Variants in RACK1 observed in about 807,000 individuals in gnomAD.
RACK1 encodes the protein receptor for activated C kinase 1.
In RACK1, 3 loss-of-function variants were observed where a neutral mutation model predicts 42.2. The ratio of observed to expected loss-of-function variants is 0.07; its 90% CI spans 0.03 to 0.18. RACK1 has a LOEUF of 0.18. Ranked by LOEUF, RACK1 falls within the 10% of genes least tolerant of loss-of-function variation. RACK1 has a pLI of 1.00. For synonymous variants in RACK1, 181 were observed against 154.8 expected (o/e 1.17, Z -1.25); for missense variants, 146 against 403.2 (o/e 0.36, Z 5.46).
intron 6 of RACK1, 91 bp from the exon 7 acceptor site, chr5:181,237,810 T>G (rs756032248): frequency 2.5e-6 from 2 of 806,442 alleles, no homozygotes; most frequent in East Asian, 5.0e-5. Context: ...TAAAAAGGGA[T>G]GATTTTGCTC....
chr5:181,242,087 C>T, intron 2 of RACK1, 87 bp downstream of exon 2: 1 of 1,195,842 alleles, frequency 8.4e-7, no homozygotes, highest in Non-Finnish European at 1.2e-6. Context: ...TGGACTGGAT[C>T]TCCCCTGGGA....
rs1759163185 is a variant in RACK1, at chr5:181,237,053, G to A, written c.889-11C>T. The A allele has an allele frequency of 6.2e-7, 1 of 1,613,298 alleles. No homozygotes were observed. The highest frequency in any genetic ancestry group is 8.5e-7 in the Non-Finnish European group (1 of 1,179,872). On this transcript the variant is annotated splice_polypyrimidine_tract_variant and intron_variant, in intron 7 of 7. Coordinates refer to ENST00000512805, the MANE Select transcript of RACK1 (RefSeq NM_006098.5). ...GCCAGCAAACAGAGTCTGCAGGGAA[G>A]AAATGACAGTGACAGGTCAGGCTGG...
intron 3 of RACK1, among the ~76,000 whole-genome samples, chr5:181,239,839 G>GT (rs1228564447): frequency 6.6e-6 from 1 of 152,228 alleles, no homozygotes; most frequent in Non-Finnish European, 1.5e-5. Flanking sequence ...GAGGTCAGGA[G>GT]TTTGAGACCA....
chr5:181,238,266 C>T, intron 5 of RACK1, 27 bp from the exon 6 acceptor site: 1 of 1,610,620 alleles, frequency 6.2e-7, no homozygotes, highest in Non-Finnish European at 8.5e-7. Context: ...TAAATCAGGA[C>T]ACTGTGACCT....
chr5:181,239,219 G>A, intron 4 of RACK1, 42 bp from the exon 5 acceptor site: 1 of 1,291,730 alleles, frequency 7.7e-7, no homozygotes, highest in Non-Finnish European at 1.1e-6. Flanking sequence ...CCTAGCTCTT[G>A]ATGAGCTAGG....
At chr5:181,237,477 A>C (rs1287047337) in intron 7 of RACK1, 132 bp downstream of exon 7, 5 of 684,228 alleles carry the variant, frequency 7.3e-6, no homozygotes, top group South Asian at 1.6e-5. Flanking sequence ...GGGCATCCTC[A>C]TCAACCTGGC....
chr5:181,243,847 G>T lies in RACK1; in HGVS notation c.-47C>A, dbSNP rs1201217536. ...CGCTGCAGCGACGAGGATGGCACTGGATGGCTTAGAGAAACTAGCACCACA... is the reference window on the plus strand; with the variant it reads ...CGCTGCAGCGACGAGGATGGCACTGTATGGCTTAGAGAAACTAGCACCACA... On this transcript the variant is annotated 5_prime_UTR_variant, in exon 1 of 8. Coordinates refer to ENST00000512805, the MANE Select transcript of RACK1 (RefSeq NM_006098.5). The T allele has an allele frequency of 1.3e-6, 2 of 1,556,922 alleles. No individual in the cohort carries two copies. Among genetic ancestry groups the T allele is most frequent in the Admixed American group, 2.0e-5 (1 of 51,126 alleles).
chr5:181,243,253 C>T (rs560088265), intron 1 of RACK1: 13 of 1,347,888 alleles, frequency 9.6e-6, no homozygotes, highest in Non-Finnish European at 1.3e-5. Context: ...TAGGCCGACA[C>T]TTGAGCCACG....
In RACK1 at chr5:181,238,087, AC is replaced by A. The variant is rs768397876; in HGVS notation, c.777+11del. The A allele has an allele frequency of 6.2e-7, 1 of 1,614,028 alleles. No individual in the cohort carries two copies. Among genetic ancestry groups the A allele is most frequent in the Non-Finnish European group, 8.5e-7 (1 of 1,179,906 alleles). On this transcript the variant is annotated intron_variant, in intron 6 of 7. Coordinates refer to ENST00000512805, the MANE Select transcript of RACK1 (RefSeq NM_006098.5). The stretch of plus-strand genomic sequence containing the variant: ...GCAGCCAGGTACCCAGTCAATTGTA[AC>A]CCACACTCACCCAGATCTTGATGCT...
intron 2 of RACK1, 91 bp downstream of exon 2, chr5:181,242,083 G>T: frequency 8.6e-7 from 1 of 1,160,068 alleles, no homozygotes; most frequent in South Asian, 1.4e-5. Flanking sequence ...CAAATGGACT[G>T]GATCTCCCCT....
chr5:181,243,463 C>G, intron 1 of RACK1: 2 of 1,484,594 alleles, frequency 1.3e-6, no homozygotes, highest in Non-Finnish European at 8.9e-7. Flanking sequence ...ACCCTCCTAG[C>G]AGCTGCGAGC....
chr5:181,239,616 G>C, intron 3 of RACK1, 34 bp from the exon 4 acceptor site: 1 of 1,407,322 alleles, frequency 7.1e-7, no homozygotes, highest in Admixed American at 1.7e-5. Context: ...AGGGCAAACA[G>C]TCCTATCCCA....
At chr5:181,240,719 A>G (rs1759312046) in intron 3 of RACK1, among the ~76,000 whole-genome samples, 1 of 152,180 alleles carries the variant, frequency 6.6e-6, no homozygotes, top group African/African-American at 2.4e-5. Flanking sequence ...TTGTTTAAAT[A>G]GATGGGGTCT....
At chr5:181,243,103 A>C (rs561495286) in intron 1 of RACK1, 2 of 452,686 alleles carry the variant, frequency 4.4e-6, no homozygotes, top group Admixed American at 6.7e-5. Flanking sequence ...CCACTCAACA[A>C]ATTTTACGAT....
intron 2 of RACK1, 122 bp from the exon 3 acceptor site, chr5:181,241,761 G>T: frequency 2.8e-6 from 3 of 1,066,814 alleles, no homozygotes; most frequent in South Asian, 1.3e-5. Flanking sequence ...ATTTGGCTCT[G>T]ATCACAGAGT....
At chr5:181,237,401 C>T (rs1759180551) in intron 7 of RACK1, 1 of 691,142 alleles carries the variant, frequency 1.4e-6, no homozygotes, top group East Asian at 2.7e-5. Context: ...TGAAGGCTGA[C>T]AGCCACTGCG....
rs762618523 is a variant in RACK1 at position 181,236,976 on chromosome 5, T to TCTAGCGTGTGCCAATG, written c.939_954dup. The TCTAGCGTGTGCCAATG allele has an allele frequency of 9.3e-6, 15 of 1,612,846 alleles. No homozygotes were observed. In the East Asian group the frequency reaches 3.3e-4, roughly 36 times the overall value. ...TATTTGTAAAGCTCTGCCATAAACT[T>TCTAGCGTGTGCCAATG]CTAGCGTGTGCCAATGGTCACCTGC... On this transcript the variant is annotated 3_prime_UTR_variant, in exon 8 of 8. Coordinates refer to ENST00000512805, the MANE Select transcript of RACK1 (RefSeq NM_006098.5).
intron 7 of RACK1, 160 bp downstream of exon 7, chr5:181,237,449 C>T (rs1037254463): frequency 1.1e-4 from 77 of 669,950 alleles, no homozygotes; most frequent in Middle Eastern, 9.6e-4. Flanking sequence ...GAAACACATT[C>T]ACTGGCATGG....
chr5:181,238,141 G>A lies in RACK1; in HGVS notation c.735C>T (p.Arg245=). The A allele has an allele frequency of 6.2e-7, 1 of 1,614,188 alleles. No homozygotes were observed. Among genetic ancestry groups the A allele is most frequent in the Non-Finnish European group, 8.5e-7 (1 of 1,180,028 alleles). Residue 245 remains arginine (R), a synonymous_variant, in exon 6 of 8, where the codon CGC becomes CGT. Coordinates refer to ENST00000512805, the MANE Select transcript of RACK1 (RefSeq NM_006098.5). ...GGCCTGTGGCAGCACACAGCCAGTA[G>A]CGGTTAGGGCTGAAGCACAGGGCGT... ...IINALCFSPN[R]YWLCAATGPS... is the part of the protein sequence containing the mutation.
Sources: allele counts gnomAD v4.1 joint callset (sites outside exome capture counted in the v4.1 genomes callset), GRCh38; gene constraint gnomAD v4.1.1; transcripts MANE v1.5; gene names NCBI Gene and HGNC (gene_info 2026-07-23, HGNC 2026-07-21).